The following SEL1L3 variants were observed in gnomAD, a reference collection of about 807,000 sequenced individuals.
The protein encoded by SEL1L3 is SEL1L family member 3, also known as protein sel-1 homolog 3.
In SEL1L3, 76 loss-of-function variants were observed where a neutral mutation model predicts 142.8. The observed-to-expected ratio is 0.53, with a 90% CI of 0.44 to 0.64. The LOEUF (loss-of-function observed/expected upper bound fraction) is 0.64. Ranked by LOEUF, SEL1L3 falls within the 30% of genes least tolerant of loss-of-function variation. The pLI is 0.00. For synonymous variants in SEL1L3, 504 were observed against 519.6 expected, an observed-to-expected ratio of 0.97 and a Z score of 0.41; for missense variants, 1,262 against 1,381.7, an observed-to-expected ratio of 0.91 and a Z score of 1.37.
intron 6 of SEL1L3, among the ~76,000 whole-genome samples, chr4:25,828,133 C>T (rs1168023179): frequency 1.3e-5 from 2 of 152,160 alleles, no homozygotes; most frequent in Non-Finnish European, 2.9e-5. Flanking sequence ...CGCTATGTTT[C>T]AATGCAGCTA....
intron 2 of SEL1L3, 128 bp from the exon 3 acceptor site, chr4:25,835,451 G>T: frequency 1.0e-6 from 1 of 972,848 alleles, no homozygotes; most frequent in Non-Finnish European, 1.5e-6. Flanking sequence ...AAAAATATTA[G>T]CAAACATCTG....
At chr4:25,825,466 C>T (rs563747264) in intron 6 of SEL1L3, among the ~76,000 whole-genome samples, 17 of 152,178 alleles carry the variant, frequency 1.1e-4, no homozygotes, top group African/African-American at 3.9e-4. Flanking sequence ...TAGGAGAGTG[C>T]CCTGGTTTAT....
chr4:25,750,127 G>A (rs1232604069), intron 23 of SEL1L3, among the ~76,000 whole-genome samples: 1 of 151,702 alleles, frequency 6.6e-6, no homozygotes, highest in Admixed American at 6.6e-5. Context: ...CCAGCTACTC[G>A]GAAGGCTAAA....
chr4:25,852,489 T>C (rs1716970719), intron 1 of SEL1L3, among the ~76,000 whole-genome samples: 1 of 152,194 alleles, frequency 6.6e-6, no homozygotes. Context: ...ATTCTCAAGA[T>C]GCAAATCACA....
chr4:25,815,816 A>T (rs969156686), intron 9 of SEL1L3, among the ~76,000 whole-genome samples: 3 of 150,590 alleles, frequency 2.0e-5, no homozygotes, highest in African/African-American at 7.3e-5. Context: ...CTCCCTGGGG[A>T]CTTGGGAGCA....
chr4:25,760,760 G>A (rs548351379), intron 20 of SEL1L3, among the ~76,000 whole-genome samples: 10 of 152,186 alleles, frequency 6.6e-5, no homozygotes, highest in East Asian at 1.9e-4. Context: ...ATCGTATGTC[G>A]CAATCATGAT....
At chr4:25,861,100 T>C (rs1458798166) in intron 1 of SEL1L3, among the ~76,000 whole-genome samples, 1 of 152,168 alleles carries the variant, frequency 6.6e-6, no homozygotes, top group Non-Finnish European at 1.5e-5. Flanking sequence ...CATTTGTATA[T>C]GAATGTTTCA....
the SEL1L3 span, among the ~76,000 whole-genome samples, chr4:25,731,641 G>A: frequency 6.6e-6 from 1 of 152,302 alleles, no homozygotes; most frequent in African/African-American, 2.4e-5. Flanking sequence ...TTATTCAACT[G>A]TGTTACGTGT....
At chr4:25,838,389 T>C (rs1430405486) in intron 2 of SEL1L3, among the ~76,000 whole-genome samples, 1 of 152,198 alleles carries the variant, frequency 6.6e-6, no homozygotes, top group Non-Finnish European at 1.5e-5. Context: ...ACAGATATTA[T>C]ATGGTGCAAA....
intron 5 of SEL1L3, 147 bp from the exon 6 acceptor site, chr4:25,830,303 C>T (rs985215204): frequency 1.3e-5 from 7 of 553,390 alleles, no homozygotes; most frequent in Non-Finnish European, 2.2e-5. Context: ...AGTTTACTAG[C>T]CCTGTGCATA....
intron 9 of SEL1L3, among the ~76,000 whole-genome samples, chr4:25,816,650 T>C (rs1295756236): frequency 6.6e-6 from 1 of 152,180 alleles, no homozygotes; most frequent in African/African-American, 2.4e-5. Flanking sequence ...GATCTCACTA[T>C]GTCTCTTCTT....
chr4:25,839,401 T>C (rs1423414107), intron 2 of SEL1L3, among the ~76,000 whole-genome samples: 1 of 152,196 alleles, frequency 6.6e-6, no homozygotes, highest in Non-Finnish European at 1.5e-5. Flanking sequence ...TACAGGGATG[T>C]TCAGTGAAGC....
At chr4:25,837,791 T>C (rs559368232) in intron 2 of SEL1L3, among the ~76,000 whole-genome samples, 2 of 152,278 alleles carry the variant, frequency 1.3e-5, no homozygotes, top group East Asian at 3.9e-4. Flanking sequence ...ATATGTTATT[T>C]ATCAGGATAA....
At chr4:25,859,820 C>T (rs1489816443) in intron 1 of SEL1L3, among the ~76,000 whole-genome samples, 1 of 152,236 alleles carries the variant, frequency 6.6e-6, no homozygotes, top group Non-Finnish European at 1.5e-5. Context: ...CTTTACCTTT[C>T]TTCCCCACTT....
intron 9 of SEL1L3, among the ~76,000 whole-genome samples, chr4:25,810,642 G>A (rs1195252761): frequency 6.6e-6 from 1 of 152,198 alleles, no homozygotes; most frequent in African/African-American, 2.4e-5. Context: ...AGGTTCCCCA[G>A]GAAACAACAT....
At chr4:25,818,587 C>T (rs543543706) in intron 8 of SEL1L3, among the ~76,000 whole-genome samples, 1 of 152,218 alleles carries the variant, frequency 6.6e-6, no homozygotes, top group East Asian at 1.9e-4. Context: ...AGTTGAGGAG[C>T]AAAGCACAAA....
chr4:25,747,552 C>T lies in SEL1L3; in HGVS notation c.*873G>A, dbSNP rs1369915238. 3 of 151,834 alleles carry T rather than the reference C, an allele frequency of 2.0e-5. No homozygotes were observed. The highest frequency in any genetic ancestry group is 2.0e-4 in the Admixed American group (3 of 15,228). 9.4% of individuals were successfully genotyped at this position (151,834 alleles called of 1,614,324 possible). A position where few individuals can be genotyped will look rare whatever the true frequency, so the allele number is the denominator to read the frequency against. ...ACCTTAGCAGCATGTAGTATACAGA[C>T]ATTCTGCTCTTCCTCTTCCTCTCTA... On this transcript the variant is annotated 3_prime_UTR_variant, in exon 24 of 24. Transcript: ENST00000399878.
chr4:25,792,389 C>T (rs1023179814), intron 11 of SEL1L3, among the ~76,000 whole-genome samples: 3 of 152,190 alleles, frequency 2.0e-5, no homozygotes, highest in African/African-American at 7.2e-5. Flanking sequence ...TGGGATGTCG[C>T]CCTCTAGTGA....
intron 16 of SEL1L3, among the ~76,000 whole-genome samples, chr4:25,778,223 AC>A (rs887005355): frequency 2.8e-4 from 43 of 152,218 alleles, no homozygotes; most frequent in African/African-American, 1.0e-3. Flanking sequence ...ACCAAAAAAG[AC>A]ACAGATGGAG....
Sources: allele counts gnomAD v4.1 joint callset (sites outside exome capture counted in the v4.1 genomes callset), GRCh38; gene constraint gnomAD v4.1.1; transcripts MANE v1.5; gene names NCBI Gene and HGNC (gene_info 2026-07-23, HGNC 2026-07-21).